The following CDYL variants were observed in gnomAD, a reference collection of about 807,000 sequenced individuals.
The protein encoded by CDYL is chromodomain Y-like protein.
CDYL carries 8 observed loss-of-function variants against 47.3 expected under a neutral mutation model. The observed-to-expected ratio is 0.17, with a 90% CI of 0.10 to 0.31. CDYL has a LOEUF of 0.31. CDYL is among the 10% of genes least tolerant of loss of function. CDYL has a pLI of 1.00. For synonymous variants in CDYL, 266 were observed against 265.0 expected, an observed-to-expected ratio of 1.00 and a Z score of -0.04; for missense variants, 471 against 701.4, an observed-to-expected ratio of 0.67 and a Z score of 3.71.
chr6:4,737,225 C>G (rs879267505), intron 3 of CDYL, among the ~76,000 whole-genome samples: 1 of 152,054 alleles, frequency 6.6e-6, no homozygotes, highest in Non-Finnish European at 1.5e-5. Flanking sequence ...TGATTTGAGA[C>G]AGTAGAAGCT....
At chr6:4,723,795 G>A (rs572250325) in intron 2 of CDYL, among the ~76,000 whole-genome samples, 37 of 152,276 alleles carry the variant, frequency 2.4e-4, no homozygotes, top group East Asian at 3.9e-4. Flanking sequence ...AAATCTAAGG[G>A]AAACATCAAG....
At chr6:4,868,229 A>T (rs1045831667) in intron 1 of CDYL, among the ~76,000 whole-genome samples, 11 of 151,910 alleles carry the variant, frequency 7.2e-5, no homozygotes, top group Non-Finnish European at 1.5e-4. Context: ...CTTTTATGAC[A>T]TAAGTGTTTA....
chr6:4,806,362 C>T (rs1759369657), intron 1 of CDYL, among the ~76,000 whole-genome samples: 1 of 152,230 alleles, frequency 6.6e-6, no homozygotes, highest in African/African-American at 2.4e-5. Flanking sequence ...GCCATCTTTC[C>T]AAAATGTGAA....
At chr6:4,851,434 C>T (rs1760823236) in intron 1 of CDYL, among the ~76,000 whole-genome samples, 1 of 152,246 alleles carries the variant, frequency 6.6e-6, no homozygotes, top group African/African-American at 2.4e-5. Flanking sequence ...TTAACTTTCC[C>T]TATAGGTGGT....
chr6:4,936,996 C>T (rs1320164114), intron 3 of CDYL, among the ~76,000 whole-genome samples: 1 of 152,182 alleles, frequency 6.6e-6, no homozygotes, highest in East Asian at 1.9e-4. Context: ...TAATTAAAAT[C>T]ATGGTAGATA....
intron 2 of CDYL, among the ~76,000 whole-genome samples, chr6:4,730,274 C>A (rs143793672): frequency 6.5e-4 from 99 of 152,288 alleles, no homozygotes; most frequent in African/African-American, 2.3e-3. Flanking sequence ...CAAAGCGTAA[C>A]GGTTCCAGTA....
At position 4,891,668 on chromosome 6, in the gene CDYL, C is replaced by G. The variant is rs752657919; in HGVS notation, c.25-45C>G. On this transcript the variant is annotated intron_variant, in intron 1 of 6. Transcript: ENST00000397588. ...CTAATGAAACTTGCACTTTTCCCCC[C>G]AAATTTTGATTTTTTTAAAACTATT... 5.4e-6 allele frequency: 8 copies of G among 1,494,100 alleles called. No individual in the cohort carries two copies. In the African/African-American group the frequency reaches 1.1e-4, roughly 21 times the overall value. 92.6% of individuals were successfully genotyped at this position (1,494,100 alleles called of 1,614,324 possible). A position where few individuals can be genotyped will look rare whatever the true frequency, so the allele number is the denominator to read the frequency against.
At chr6:4,780,606 T>A (rs1758592892) in intron 1 of CDYL, among the ~76,000 whole-genome samples, 1 of 152,150 alleles carries the variant, frequency 6.6e-6, no homozygotes, top group South Asian at 2.1e-4. Context: ...TAACTCATCT[T>A]GTACTTGTCT....
intron 2 of CDYL, among the ~76,000 whole-genome samples, chr6:4,894,678 G>T (rs569965533): frequency 6.6e-6 from 1 of 152,216 alleles, no homozygotes; most frequent in Non-Finnish European, 1.5e-5. Flanking sequence ...TCAAACTCCT[G>T]ACCTCAAGTG....
At chr6:4,941,877 G>C (rs1451062810) in intron 4 of CDYL, among the ~76,000 whole-genome samples, 1 of 152,172 alleles carries the variant, frequency 6.6e-6, no homozygotes, top group Non-Finnish European at 1.5e-5. Flanking sequence ...CCATAAGGCA[G>C]ATGAAATTGG....
chr6:4,743,840 T>C (rs185518028), intron 3 of CDYL, among the ~76,000 whole-genome samples: 1 of 152,370 alleles, frequency 6.6e-6, no homozygotes, highest in East Asian at 1.9e-4. Context: ...ATGTGTAGTA[T>C]GATAAGAAAC....
intron 2 of CDYL, among the ~76,000 whole-genome samples, chr6:4,721,611 C>T (rs1757370800): frequency 6.6e-6 from 1 of 152,064 alleles, no homozygotes; most frequent in South Asian, 2.1e-4. Flanking sequence ...CCACTCCTGG[C>T]CTCAACTGAC....
intron 1 of CDYL, among the ~76,000 whole-genome samples, chr6:4,809,706 C>G (rs1287711318): frequency 7.0e-6 from 1 of 142,310 alleles, no homozygotes; most frequent in Admixed American, 7.1e-5. Context: ...TATATTAGTC[C>G]TTGGCGATAC....
chr6:4,761,973 G>A (rs1401425456), intron 3 of CDYL, among the ~76,000 whole-genome samples: 3 of 152,182 alleles, frequency 2.0e-5, no homozygotes, highest in Non-Finnish European at 4.4e-5. Flanking sequence ...GAGCTAGGGT[G>A]GGGAAGCTTG....
chr6:4,874,021 GT>G (rs2127474551), intron 1 of CDYL, among the ~76,000 whole-genome samples: 1 of 152,198 alleles, frequency 6.6e-6, no homozygotes, highest in South Asian at 2.1e-4. Context: ...GAGTAAGATT[GT>G]TTTAAAACCT....
chr6:4,735,431 A>T (rs373037914), intron 3 of CDYL, among the ~76,000 whole-genome samples: 1 of 152,204 alleles, frequency 6.6e-6, no homozygotes, highest in African/African-American at 2.4e-5. Context: ...CTTTTTAAAA[A>T]AAATCACTTT....
intron 2 of CDYL, among the ~76,000 whole-genome samples, chr6:4,923,900 C>CA (rs56004373): frequency 6.1e-5 from 6 of 99,072 alleles, no homozygotes; most frequent in African/African-American, 2.2e-4. Flanking sequence ...GACTCCGTCT[C>CA]AAAAAAAAAA....
upstream of CDYL, among the ~76,000 whole-genome samples, chr6:4,773,547 T>C (rs1374637466): frequency 4.6e-5 from 7 of 152,208 alleles, no homozygotes; most frequent in Non-Finnish European, 1.0e-4. The surrounding 1 kb of genome is among the most constrained non-coding windows in gnomAD (Gnocchi z 4.6). Flanking sequence ...TGCTTAAAAG[T>C]AAGACAAATT....
At chr6:4,876,757 G>C (rs1173159304) in intron 1 of CDYL, among the ~76,000 whole-genome samples, 1 of 152,114 alleles carries the variant, frequency 6.6e-6, no homozygotes, top group Non-Finnish European at 1.5e-5. Context: ...AGGGGCTATT[G>C]GGATGAAATG....
Sources: gnomAD v4.1 joint callset for allele counts (sites outside exome capture counted in the v4.1 genomes callset) on GRCh38, gnomAD v4.1.1 for gene constraint, Gnocchi (gnomAD v3.1) non-coding constraint, MANE v1.5 for transcripts, NCBI Gene and HGNC (gene_info 2026-07-23, HGNC 2026-07-21) for gene names.